Variants in GLDN observed in about 807,000 individuals in gnomAD.
GLDN encodes gliomedin.
In GLDN, 47 loss-of-function variants were observed where a neutral mutation model predicts 56.5. The observed-to-expected ratio is 0.83, with a 90% CI of 0.66 to 1.06. The LOEUF (loss-of-function observed/expected upper bound fraction) is 1.06, where lower values mean the gene tolerates loss of function less well. Among genes scored for constraint, GLDN ranks in the 50% least tolerant of loss-of-function variants. The pLI is 0.00. For missense variants in GLDN, 782 were observed against 714.3 expected (o/e 1.09, Z -1.08); for synonymous variants, 332 against 278.8 (o/e 1.19, Z -1.90).
At chr15:51,383,058 A>C (rs1007370177) in intron 2 of GLDN, among the ~76,000 whole-genome samples, 2 of 152,144 alleles carry the variant, frequency 1.3e-5, no homozygotes, top group Non-Finnish European at 2.9e-5. Context: ...GGGACGGCCA[A>C]ATCTCAGCCC....
In GLDN at chr15:51,407,753, C is replaced by T. The variant is rs567290569; in HGVS notation, c.*2999C>T. 4 of 152,298 alleles carry T rather than the reference C, an allele frequency of 2.6e-5. No individual in the cohort carries two copies. In the South Asian group the frequency reaches 8.3e-4, roughly 32 times the overall value. The allele number at this position is 152,298 out of a possible 1,614,324, so 9.4% of individuals were successfully genotyped here. On this transcript the variant is annotated 3_prime_UTR_variant, in exon 10 of 10. Coordinates refer to ENST00000335449, the MANE Select transcript of GLDN (RefSeq NM_181789.4). ...AAAAGTCAAATGAAACAGTACAATT[C>T]TTGATGAGTGAGGTGTCATCTTCCA...
chr15:51,384,254 C>G, intron 4 of GLDN: 1 of 282,248 alleles, frequency 3.5e-6, no homozygotes, highest in South Asian at 3.8e-5. Context: ...CTGCCTTGCC[C>G]TCTATTGCCT....
At position 51,405,228 on chromosome 15, in the gene GLDN, G is replaced by C. The variant is rs2038351572; in HGVS notation, c.*474G>C. 1 of 159,070 alleles carries C rather than the reference G, an allele frequency of 6.3e-6. No homozygotes were observed. The highest frequency in any genetic ancestry group is 5.9e-5 in the Admixed American group (1 of 16,922). 9.9% of individuals were successfully genotyped at this position (159,070 alleles called of 1,614,324 possible). The stretch of plus-strand genomic sequence containing the variant: ...ATCTTGTTCTTTGAAAAAATGCATT[G>C]ACTCTTTAAGACATCTAAAGTATCA... On this transcript the variant is annotated 3_prime_UTR_variant, in exon 10 of 10. Transcript: ENST00000335449.
chr15:51,347,943 G>C (rs1043748750), intron 1 of GLDN, among the ~76,000 whole-genome samples: 3 of 152,128 alleles, frequency 2.0e-5, no homozygotes, highest in Non-Finnish European at 4.4e-5. Flanking sequence ...GCAGAGAAAA[G>C]TATATATTGT....
In GLDN at chr15:51,404,619, CTTTGA is replaced by C. The variant is rs779972478; in HGVS notation, c.1525_1529del (p.Asp509LysfsTer78). The C allele has an allele frequency of 1.9e-6, 3 of 1,614,056 alleles. No homozygotes were observed. The highest frequency in any genetic ancestry group is 1.1e-5 in the South Asian group (1 of 91,080). The stretch of plus-strand genomic sequence containing the variant: ...TAGGAGGGAAACAGATCAATGCAAA[CTTTGA>C]TTTAAGAACTTCCCAGTCTGTTCTT... On this transcript the variant is annotated frameshift_variant, in exon 10 of 10. Transcript: ENST00000335449. LOFTEE classifies it high-confidence loss of function.
intron 2 of GLDN, among the ~76,000 whole-genome samples, chr15:51,378,830 C>A (rs1490759025): frequency 1.3e-5 from 2 of 152,092 alleles, no homozygotes; most frequent in African/African-American, 4.8e-5. Flanking sequence ...GGATTGGGGG[C>A]AGGGTAGTGG....
At chr15:51,370,082 C>G (rs115832417) in intron 1 of GLDN, among the ~76,000 whole-genome samples, 2,195 of 152,242 alleles carry the variant, frequency 0.014, 49 homozygotes, top group African/African-American at 0.05. Context: ...TGTCACTGCA[C>G]TCCAGCCTCA....
chr15:51,343,067 T>G (rs58240039), intron 1 of GLDN, among the ~76,000 whole-genome samples: 1 of 152,378 alleles, frequency 6.6e-6, no homozygotes, highest in African/African-American at 2.4e-5. Context: ...TGTTTCACTT[T>G]ATAATTAGAA....
At chr15:51,357,424 CT>C (rs1352527848) in intron 1 of GLDN, among the ~76,000 whole-genome samples, 19 of 152,322 alleles carry the variant, frequency 1.2e-4, no homozygotes, top group African/African-American at 4.6e-4. Flanking sequence ...ACCCCTTTCA[CT>C]TGCTATTCTG....
intron 2 of GLDN, among the ~76,000 whole-genome samples, chr15:51,378,407 C>T (rs1352629362): frequency 6.6e-6 from 1 of 152,186 alleles, no homozygotes; most frequent in Non-Finnish European, 1.5e-5. Context: ...ATCTTTCTTC[C>T]ATCTCTTGAA....
intron 8 of GLDN, 48 bp downstream of exon 8, chr15:51,400,546 T>G: frequency 6.3e-7 from 1 of 1,586,664 alleles, no homozygotes; most frequent in Non-Finnish European, 8.6e-7. Flanking sequence ...AACTGTATTT[T>G]TCATCTGTTG....
At chr15:51,389,375 T>C (rs2037967621) in intron 4 of GLDN, among the ~76,000 whole-genome samples, 1 of 152,184 alleles carries the variant, frequency 6.6e-6, no homozygotes, top group African/African-American at 2.4e-5. Context: ...ATTGTGTCTG[T>C]ATATAAGGGC....
intron 1 of GLDN, among the ~76,000 whole-genome samples, chr15:51,356,011 T>C (rs1272968167): frequency 1.3e-5 from 2 of 148,886 alleles, no homozygotes; most frequent in Non-Finnish European, 1.5e-5. Context: ...ATCGAGACCA[T>C]CCTGGCTAAC....
At position 51,363,055 on chromosome 15, in the gene GLDN, A is replaced by C. The variant is rs114470324; in HGVS notation, c.364-14394A>C. ...CTGAGATGGCAAAACTGCAGATAGA[A>C]CAGGTTTAGGGGGAAGATGAAGAGT... On this transcript the variant is annotated intron_variant, in intron 1 of 9. Transcript: ENST00000335449. Among the ~76,000 whole-genome samples, 297 of 152,258 alleles carry C rather than the reference A, an allele frequency of 2.0e-3. 1 individual carries two copies. The highest frequency in any genetic ancestry group is 6.9e-3 in the African/African-American group (288 of 41,560).
At chr15:51,389,526 G>A (rs1237452909) in intron 4 of GLDN, among the ~76,000 whole-genome samples, 1 of 152,132 alleles carries the variant, frequency 6.6e-6, no homozygotes, top group Non-Finnish European at 1.5e-5. Context: ...TGCAGAAGAT[G>A]AGCAAATAGG....
chr15:51,346,801 C>T (rs1348918076), intron 1 of GLDN, among the ~76,000 whole-genome samples: 1 of 152,206 alleles, frequency 6.6e-6, no homozygotes, highest in Admixed American at 6.5e-5. Flanking sequence ...TGTGGTCGCT[C>T]ACGCCTGTAA....
chr15:51,370,408 G>C (rs1217500374), intron 1 of GLDN, among the ~76,000 whole-genome samples: 2 of 152,138 alleles, frequency 1.3e-5, no homozygotes, highest in African/African-American at 4.8e-5. Context: ...TATATTTTGG[G>C]ATTTGGTGCT....
chr15:51,410,964 T>C (rs1336476564), downstream of GLDN, among the ~76,000 whole-genome samples: 1 of 152,190 alleles, frequency 6.6e-6, no homozygotes, highest in Non-Finnish European at 1.5e-5. Context: ...AAATATCACC[T>C]GGGACAAGGA....
intron 1 of GLDN, among the ~76,000 whole-genome samples, chr15:51,364,993 C>G (rs1200909173): frequency 6.6e-6 from 1 of 152,134 alleles, no homozygotes; most frequent in Non-Finnish European, 1.5e-5. Context: ...AATAAGAATT[C>G]AAAGCACAAA....
Sources: allele counts gnomAD v4.1 joint callset (sites outside exome capture counted in the v4.1 genomes callset), GRCh38; gene constraint gnomAD v4.1.1; transcripts MANE v1.5; gene names NCBI Gene and HGNC (gene_info 2026-07-23, HGNC 2026-07-21).